Variants in ANO3 observed in about 807,000 individuals in gnomAD.
ANO3 encodes anoctamin 3.
In ANO3, 99 loss-of-function variants were observed where a neutral mutation model predicts 144.8. That is an observed-to-expected ratio of 0.68 (90% CI 0.58 to 0.81). The LOEUF is 0.81. ANO3 is among the 30% of genes least tolerant of loss of function. The pLI, the probability that ANO3 is intolerant of heterozygous loss-of-function variation, is 0.00. For synonymous variants in ANO3, 414 were observed against 392.6 expected, an observed-to-expected ratio of 1.05 and a Z score of -0.64; for missense variants, 905 against 1,202.2, an observed-to-expected ratio of 0.75 and a Z score of 3.66.
intron 9 of ANO3, among the ~76,000 whole-genome samples, chr11:26,535,665 C>G (rs538350049): frequency 5.5e-5 from 8 of 144,508 alleles, no homozygotes; most frequent in South Asian, 2.3e-4. Context: ...TCACTGCAAG[C>G]TCTGCCTCCC....
At chr11:26,243,023 C>T (rs1214420284) in intron 1 of ANO3, among the ~76,000 whole-genome samples, 1 of 152,146 alleles carries the variant, frequency 6.6e-6, no homozygotes, top group Non-Finnish European at 1.5e-5. Flanking sequence ...CCCCCAAATA[C>T]TCTGATTTCC....
At position 26,210,736 on chromosome 11, in the gene ANO3, T is replaced by C. The variant is rs969547611; in HGVS notation, c.154+21406T>C. Among the ~76,000 whole-genome samples, 3 of 152,132 alleles carry C rather than the reference T, an allele frequency of 2.0e-5. No individual in the cohort carries two copies. The South Asian group carries it at 6.2e-4, about 32-fold the overall frequency. On this transcript the variant is annotated intron_variant, in intron 1 of 27. Transcript: ENST00000672621. ...TTGTATTCCTAGGTATTTTATTCTC[T>C]TGTAGCAATTGTAAATGGGAGTTCC...
chr11:26,243,533 T>A (rs998105842), intron 1 of ANO3, among the ~76,000 whole-genome samples: 1 of 152,160 alleles, frequency 6.6e-6, no homozygotes, highest in African/African-American at 2.4e-5. Flanking sequence ...GATAAAAGAT[T>A]CACTTTTATT....
intron 1 of ANO3, among the ~76,000 whole-genome samples, chr11:26,272,240 A>T (rs1853455126): frequency 1.3e-5 from 2 of 152,210 alleles, no homozygotes; most frequent in Admixed American, 1.3e-4. Flanking sequence ...AGCACCGAGA[A>T]GCAGAGAAAA....
intron 4 of ANO3, among the ~76,000 whole-genome samples, chr11:26,489,735 T>A (rs181747010): frequency 6.6e-6 from 1 of 152,338 alleles, no homozygotes; most frequent in African/African-American, 2.4e-5. Flanking sequence ...GCTTTAAAAT[T>A]TGACTGCTCC....
At chr11:26,302,285 A>C (rs1309900172) in intron 1 of ANO3, among the ~76,000 whole-genome samples, 1 of 152,172 alleles carries the variant, frequency 6.6e-6, no homozygotes, top group South Asian at 2.1e-4. Context: ...TCACGAGGTC[A>C]AGAGATTGAG....
chr11:26,640,239 G>A (rs112289118), intron 21 of ANO3, among the ~76,000 whole-genome samples: 1 of 152,170 alleles, frequency 6.6e-6, no homozygotes, highest in African/African-American at 2.4e-5. Flanking sequence ...GGCTTTTTTA[G>A]TCCATTTATA....
intron 1 of ANO3, among the ~76,000 whole-genome samples, chr11:26,383,247 T>A (rs555418592): frequency 6.6e-5 from 10 of 152,304 alleles, no homozygotes; most frequent in African/African-American, 2.2e-4. Context: ...AAATTAATTT[T>A]ACAAGCTCTG....
chr11:26,327,501 T>C (rs1854914868), upstream of ANO3, among the ~76,000 whole-genome samples: 1 of 152,048 alleles, frequency 6.6e-6, no homozygotes, highest in African/African-American at 2.4e-5. Context: ...TCATTCCCAG[T>C]GGAGAAAACA....
chr11:26,537,296 G>A, intron 9 of ANO3, 110 bp from the exon 10 acceptor site: 1 of 890,620 alleles, frequency 1.1e-6, no homozygotes, highest in Non-Finnish European at 1.9e-6. Context: ...AGTCATTTGG[G>A]TTATCTTAAA....
intron 8 of ANO3, among the ~76,000 whole-genome samples, chr11:26,533,272 A>G (rs1456502149): frequency 1.3e-5 from 2 of 152,198 alleles, no homozygotes; most frequent in Non-Finnish European, 2.9e-5. Context: ...GGGTAAAAAT[A>G]TGTAGTGGCA....
At chr11:26,452,938 GA>G (rs1210869113) in intron 3 of ANO3, among the ~76,000 whole-genome samples, 12 of 152,140 alleles carry the variant, frequency 7.9e-5, no homozygotes, top group African/African-American at 2.9e-4. Flanking sequence ...CATTCTTAAA[GA>G]AAACAATTTT....
At chr11:26,598,317 C>A in intron 14 of ANO3, 48 bp from the exon 15 acceptor site, 2 of 980,404 alleles carry the variant, frequency 2.0e-6, no homozygotes, top group Non-Finnish European at 2.9e-6. Context: ...AGAAGAAAAG[C>A]AATATGATGT....
Position 26,332,177 on chromosome 11 carries a change from G to A in ANO3, c.-99G>A. 1.2e-6 allele frequency: 2 copies of A among 1,606,118 alleles called. No homozygotes were observed. The highest frequency in any genetic ancestry group is 1.7e-6 in the Non-Finnish European group (2 of 1,176,206). On this transcript the variant is annotated 5_prime_UTR_variant, in exon 1 of 27. Transcript: ENST00000256737. ...GCAGGTGTCGGATTGCAGTGCGCTC[G>A]CTGAGGCTCCGGACCTTGGAGCGTC...
In ANO3 at chr11:26,598,966, C is replaced by G; in HGVS notation, c.1639C>G (p.Leu547Val). ...HQPSSDKVTR[L>V]LVSVSGIFFM... is the part of the protein sequence containing the mutation. ...GCCTTCCTCAGACAAAGTCACTCGTCTTCTTGTTTCTGTCTCAGGAATATT... is the reference window on the plus strand; with the variant it reads ...GCCTTCCTCAGACAAAGTCACTCGTGTTCTTGTTTCTGTCTCAGGAATATT... Residue 547 changes from leucine (L) to valine (V), a missense_variant, in exon 16 of 27, where the codon CTT becomes GTT. Transcript: ENST00000256737. 1 of 1,613,962 alleles carries G rather than the reference C, an allele frequency of 6.2e-7. No individual in the cohort carries two copies. The highest frequency in any genetic ancestry group is 8.5e-7 in the Non-Finnish European group (1 of 1,179,938).
At chr11:26,267,105 AAAAAGAAAAG>A (rs199809832) in intron 1 of ANO3, among the ~76,000 whole-genome samples, 2,805 of 151,450 alleles carry the variant, frequency 0.019, 55 homozygotes, top group East Asian at 0.12. Context: ...AACAAAAAAA[AAAAAGAAAAG>A]AAAAGAAAAA....
intron 1 of ANO3, among the ~76,000 whole-genome samples, chr11:26,320,044 A>G (rs1034073344): frequency 2.5e-4 from 38 of 152,144 alleles, no homozygotes; most frequent in African/African-American, 9.2e-4. Context: ...GTGGCAGACA[A>G]ATCAGAGCTT....
chr11:26,238,471 A>C (rs1288630779), intron 1 of ANO3, among the ~76,000 whole-genome samples: 1 of 152,096 alleles, frequency 6.6e-6, no homozygotes, highest in Non-Finnish European at 1.5e-5. Context: ...ATACTCTAAA[A>C]TTTACAGTTT....
chr11:26,568,303 T>C (rs1850677065), intron 14 of ANO3, among the ~76,000 whole-genome samples: 1 of 152,010 alleles, frequency 6.6e-6, no homozygotes, highest in African/African-American at 2.4e-5. Context: ...ACATAAATAA[T>C]GTAAGTAATG....
Sources: gnomAD v4.1 joint callset for allele counts (sites outside exome capture counted in the v4.1 genomes callset) on GRCh38, gnomAD v4.1.1 for gene constraint, MANE v1.5 for transcripts, NCBI Gene and HGNC (gene_info 2026-07-23, HGNC 2026-07-21) for gene names.